Variants in ITPR2 observed in about 807,000 individuals in gnomAD.
The protein encoded by ITPR2 is inositol 1,4,5-trisphosphate receptor type 2, also known as inositol 1,4,5-trisphosphate-gated calcium channel ITPR2.
A neutral mutation model predicts 317.1 loss-of-function variants in ITPR2; 207 were observed. The ratio of observed to expected loss-of-function variants is 0.65; its 90% CI spans 0.58 to 0.73. The LOEUF is 0.73. Among genes scored for constraint, ITPR2 ranks in the 30% least tolerant of loss-of-function variants. ITPR2 has a pLI of 0.00. For missense variants in ITPR2, 2,613 were observed against 3,284.0 expected (o/e 0.80, Z 4.99); for synonymous variants, 1,156 against 1,149.1 (o/e 1.01, Z -0.12).
intron 2 of ITPR2, among the ~76,000 whole-genome samples, chr12:26,733,552 CATAA>C (rs1279900174): frequency 1.3e-5 from 2 of 152,010 alleles, no homozygotes; most frequent in Non-Finnish European, 2.9e-5. Context: ...AATGCTAAAA[CATAA>C]ATAAAAATAT....
At chr12:26,351,164 C>T (rs779648776) in intron 55 of ITPR2, among the ~76,000 whole-genome samples, 21 of 152,282 alleles carry the variant, frequency 1.4e-4, no homozygotes, top group East Asian at 3.9e-4. Flanking sequence ...GCTCTGGGGA[C>T]GGGCACTGGT....
chr12:26,584,062 T>C (rs1945462678), intron 32 of ITPR2, among the ~76,000 whole-genome samples: 1 of 152,080 alleles, frequency 6.6e-6, no homozygotes, highest in Admixed American at 6.6e-5. Flanking sequence ...AGACCCTTTC[T>C]CCCAATCAAG....
chr12:26,614,175 C>T (rs1313040722), intron 26 of ITPR2, among the ~76,000 whole-genome samples: 1 of 152,058 alleles, frequency 6.6e-6, no homozygotes, highest in East Asian at 1.9e-4. Flanking sequence ...GGACAACTCC[C>T]AGAGACCCCA....
chr12:26,380,135 G>C (rs1187853118), intron 55 of ITPR2, among the ~76,000 whole-genome samples: 2 of 152,110 alleles, frequency 1.3e-5, no homozygotes, highest in African/African-American at 4.8e-5. Context: ...CAGCACCAAA[G>C]TCTAACAACC....
intron 34 of ITPR2, among the ~76,000 whole-genome samples, chr12:26,568,330 A>C (rs1036487427): frequency 3.3e-5 from 5 of 151,778 alleles, no homozygotes; most frequent in African/African-American, 1.2e-4. Context: ...AAGAGAGAGG[A>C]TGGGTTGTTA....
chr12:26,731,490 A>G (rs189299291), intron 2 of ITPR2, among the ~76,000 whole-genome samples: 15 of 152,328 alleles, frequency 9.8e-5, no homozygotes, highest in African/African-American at 3.6e-4. Context: ...ACAAGGGGCC[A>G]TTAGCCACTA....
At chr12:26,648,356 C>T (rs1429917115) in intron 21 of ITPR2, among the ~76,000 whole-genome samples, 2 of 152,146 alleles carry the variant, frequency 1.3e-5, no homozygotes, top group African/African-American at 4.8e-5. Context: ...CCAACCCCAA[C>T]TGTGCTGGAG....
intron 1 of ITPR2, among the ~76,000 whole-genome samples, chr12:26,802,593 A>C (rs1325851096): frequency 3.0e-4 from 3 of 9,900 alleles, no homozygotes; most frequent in African/African-American, 5.9e-4. Flanking sequence ...ATATCTATAT[A>C]TAGATATAGA....
intron 34 of ITPR2, among the ~76,000 whole-genome samples, chr12:26,564,220 G>C (rs748888035): frequency 6.6e-6 from 1 of 152,124 alleles, no homozygotes; most frequent in African/African-American, 2.4e-5. Context: ...ATAAAACAGA[G>C]AGACTGTGAA....
chr12:26,342,189 G>C (rs1197245174), intron 55 of ITPR2, among the ~76,000 whole-genome samples: 15 of 152,108 alleles, frequency 9.9e-5, no homozygotes, highest in Admixed American at 9.8e-4. Context: ...CAAGGTTTAA[G>C]GGAGCTGGGA....
intron 55 of ITPR2, among the ~76,000 whole-genome samples, chr12:26,370,876 T>C (rs1208712864): frequency 6.6e-6 from 1 of 152,204 alleles, no homozygotes; most frequent in African/African-American, 2.4e-5. Context: ...GGTTTCACCA[T>C]GTTAGCTAAG....
At position 26,654,100 on chromosome 12, in the gene ITPR2, T is replaced by G. The variant is rs764089967; in HGVS notation, c.2616A>C (p.Ile872=). The G allele has an allele frequency of 2.2e-6, 3 of 1,350,588 alleles. No homozygotes were observed. In the South Asian group the frequency reaches 3.8e-5, roughly 17 times the overall value. 83.7% of individuals were successfully genotyped at this position (1,350,588 alleles called of 1,614,324 possible). Residue 872 remains isoleucine (I), a synonymous_variant, in exon 21 of 57, where the codon ATA becomes ATC. Coordinates refer to ENST00000381340, the MANE Select transcript of ITPR2 (RefSeq NM_002223.4). ...FEVVHLARNL[I]YFGFYSFSEL... ...CACTGAAACTATAAAATCCAAAGTA[T>G]ATAAGATTCCGAGCCAAGTGGACCA...
intron 2 of ITPR2, among the ~76,000 whole-genome samples, chr12:26,771,902 C>T (rs1041303817): frequency 1.3e-5 from 2 of 151,806 alleles, no homozygotes; most frequent in South Asian, 2.1e-4. Context: ...ATAATATATA[C>T]CTCATATTGC....
intron 45 of ITPR2, among the ~76,000 whole-genome samples, chr12:26,463,178 C>T (rs1343391390): frequency 6.6e-6 from 1 of 152,136 alleles, no homozygotes; most frequent in Non-Finnish European, 1.5e-5. Context: ...TCTGTAAATA[C>T]TTGCCTAATA....
chr12:26,636,913 C>G (rs984453705), intron 21 of ITPR2, among the ~76,000 whole-genome samples: 2 of 152,166 alleles, frequency 1.3e-5, no homozygotes, highest in Admixed American at 6.5e-5. Context: ...TTTCCCACAC[C>G]AGGTTGGTTC....
At chr12:26,765,162 C>T (rs752065032) in intron 2 of ITPR2, among the ~76,000 whole-genome samples, 2 of 151,944 alleles carry the variant, frequency 1.3e-5, no homozygotes, top group Non-Finnish European at 2.9e-5. Context: ...CAAAATAGCC[C>T]GTATTTTCTA....
chr12:26,364,339 G>A (rs879944249), intron 55 of ITPR2, among the ~76,000 whole-genome samples: 2 of 152,074 alleles, frequency 1.3e-5, no homozygotes, highest in African/African-American at 2.4e-5. Flanking sequence ...TATCTGTTTT[G>A]TTCACTGCCA....
At chr12:26,808,292 A>G (rs1360177194) in intron 1 of ITPR2, among the ~76,000 whole-genome samples, 3 of 152,110 alleles carry the variant, frequency 2.0e-5, no homozygotes, top group Non-Finnish European at 4.4e-5. Context: ...TCCAGCTTCT[A>G]TTTTGCTTAT....
intron 1 of ITPR2, among the ~76,000 whole-genome samples, chr12:26,795,507 A>C (rs911186299): frequency 6.6e-6 from 1 of 152,228 alleles, no homozygotes; most frequent in Non-Finnish European, 1.5e-5. Context: ...GTTTGTCTAC[A>C]TTAAAAGTAA....
Sources: gnomAD v4.1 joint callset for allele counts (sites outside exome capture counted in the v4.1 genomes callset) on GRCh38, gnomAD v4.1.1 for gene constraint, MANE v1.5 for transcripts, NCBI Gene and HGNC (gene_info 2026-07-23, HGNC 2026-07-21) for gene names.